Variants in PSMF1 observed in about 807,000 individuals in gnomAD.
PSMF1 encodes the protein proteasome inhibitor subunit 1.
In PSMF1, 30 loss-of-function variants were observed where a neutral mutation model predicts 29.3. That is an observed-to-expected ratio of 1.02 (90% CI 0.77 to 1.39). The LOEUF (loss-of-function observed/expected upper bound fraction) is 1.39. Among genes scored for constraint, PSMF1 ranks in the 40% most tolerant of loss-of-function variants. PSMF1 has a pLI of 0.00. For synonymous variants in PSMF1, 134 were observed against 139.7 expected (o/e 0.96, Z 0.29); for missense variants, 344 against 357.5 (o/e 0.96, Z 0.31).
intron 4 of PSMF1, chr20:1,160,821 G>C: frequency 2.2e-6 from 1 of 456,244 alleles, no homozygotes; most frequent in Admixed American, 2.4e-5. Flanking sequence ...CACCAGCTGG[G>C]AAGGCATGGA....
At chr20:1,126,876 C>T (rs931944681) in intron 2 of PSMF1, among the ~76,000 whole-genome samples, 2 of 152,092 alleles carry the variant, frequency 1.3e-5, no homozygotes, top group Admixed American at 1.3e-4. Context: ...AAGCCTCTGT[C>T]TCAAAACAAA....
intron 4 of PSMF1, chr20:1,161,682 C>T: frequency 1.5e-6 from 1 of 653,390 alleles, no homozygotes; most frequent in Non-Finnish European, 2.9e-6. Context: ...TCCATGTCCA[C>T]CACAAATGCT....
chr20:1,157,013 G>A (rs549107538), intron 4 of PSMF1, among the ~76,000 whole-genome samples: 22 of 152,238 alleles, frequency 1.4e-4, no homozygotes, highest in African/African-American at 1.4e-4. Flanking sequence ...ATAGGCTGTC[G>A]GCAAGCTAAG....
At chr20:1,150,491 A>G (rs1020840578) in intron 4 of PSMF1, among the ~76,000 whole-genome samples, 3 of 152,122 alleles carry the variant, frequency 2.0e-5, no homozygotes, top group Non-Finnish European at 4.4e-5. Flanking sequence ...TTTTGACCTC[A>G]TGGGACAGGA....
At chr20:1,121,196 G>A (rs1237805024) in intron 1 of PSMF1, among the ~76,000 whole-genome samples, 1 of 151,864 alleles carries the variant, frequency 6.6e-6, no homozygotes, top group Admixed American at 6.6e-5. Flanking sequence ...TCTGTTCATG[G>A]TGCTATTCGT....
chr20:1,133,534 GAT>G (rs1238392935), intron 3 of PSMF1, among the ~76,000 whole-genome samples: 1 of 86,840 alleles, frequency 1.2e-5, no homozygotes, highest in Non-Finnish European at 2.3e-5. Context: ...AAGTTCATAG[GAT>G]ATACTAGTCT....
At chr20:1,141,518 G>A (rs2086379998) in intron 4 of PSMF1, among the ~76,000 whole-genome samples, 1 of 151,946 alleles carries the variant, frequency 6.6e-6, no homozygotes, top group African/African-American at 2.4e-5. Context: ...CTGAAGAGTG[G>A]TTTGTTAGTA....
intron 3 of PSMF1, among the ~76,000 whole-genome samples, chr20:1,130,303 T>G (rs1369397094): frequency 6.6e-6 from 1 of 152,188 alleles, no homozygotes; most frequent in Non-Finnish European, 1.5e-5. Flanking sequence ...CACTTAAAAA[T>G]GGTTAAGATG....
chr20:1,157,184 T>C (rs921480452), intron 4 of PSMF1, among the ~76,000 whole-genome samples: 2 of 152,164 alleles, frequency 1.3e-5, no homozygotes, highest in South Asian at 2.1e-4. Context: ...TGGCAGCTAA[T>C]TAGATTGTGC....
chr20:1,140,152 A>G lies in PSMF1; in HGVS notation c.551+4846A>G, dbSNP rs7264031. 3.2e-3 allele frequency among the ~76,000 whole-genome samples: 483 copies of G among 152,330 alleles called. 2 individuals carry two copies. The highest frequency in any genetic ancestry group is 0.011 in the African/African-American group (457 of 41,572). ...CAAGGGAACCAGAATGGCTAAAACA[A>G]TCTCAAAGAAAAACAAAGTTGAAAG... On this transcript the variant is annotated intron_variant, in intron 4 of 6. Coordinates refer to ENST00000335877, the MANE Select transcript of PSMF1 (RefSeq NM_006814.5).
chr20:1,133,571 T>TATATATATATATATATA (rs1568469077), intron 3 of PSMF1, among the ~76,000 whole-genome samples: 6 of 44,104 alleles, frequency 1.4e-4, no homozygotes, highest in African/African-American at 3.3e-4. Context: ...ATATATATAT[T>TATATATATATATATATA]TTTTTTTTTT....
At chr20:1,149,015 C>T (rs964689437) in intron 4 of PSMF1, among the ~76,000 whole-genome samples, 2 of 152,042 alleles carry the variant, frequency 1.3e-5, no homozygotes, top group Non-Finnish European at 2.9e-5. Context: ...CTCTTCAAAA[C>T]AAAAAATTTA....
chr20:1,153,975 G>T (rs959671068), intron 4 of PSMF1, among the ~76,000 whole-genome samples: 1 of 152,140 alleles, frequency 6.6e-6, no homozygotes, highest in African/African-American at 2.4e-5. Flanking sequence ...TTGTAGTTAC[G>T]CATGCATACC....
intron 4 of PSMF1, among the ~76,000 whole-genome samples, chr20:1,147,963 G>A (rs1380153747): frequency 6.6e-6 from 1 of 152,168 alleles, no homozygotes; most frequent in Non-Finnish European, 1.5e-5. Flanking sequence ...CTTGGCTGGC[G>A]CTCGGAGCAG....
intron 4 of PSMF1, among the ~76,000 whole-genome samples, chr20:1,156,560 G>A (rs6134051): frequency 0.31 from 46,844 of 152,036 alleles, 8,404 homozygotes; most frequent in East Asian, 0.66. Context: ...GAATGGTTAC[G>A]AATTTCTCAT....
chr20:1,134,738 G>A (rs933124459), intron 3 of PSMF1: 6 of 319,330 alleles, frequency 1.9e-5, no homozygotes, highest in Admixed American at 4.5e-5. Flanking sequence ...TCCTCCCCAT[G>A]GAGCCTTTGC....
At chr20:1,116,237 A>G (rs888887084), upstream of PSMF1, among the ~76,000 whole-genome samples, 1 of 152,112 alleles carries the variant, frequency 6.6e-6, no homozygotes, top group African/African-American at 2.4e-5. Flanking sequence ...CCATAATTGG[A>G]TAAGGGCATT....
chr20:1,159,913 G>C (rs2086645613), intron 4 of PSMF1, among the ~76,000 whole-genome samples: 1 of 152,110 alleles, frequency 6.6e-6, no homozygotes, highest in African/African-American at 2.4e-5. Flanking sequence ...CTTCTTACCT[G>C]TAAGCTTAGA....
chr20:1,165,029 A>G lies in PSMF1; in HGVS notation c.765A>G (p.Gly255=), dbSNP rs1356164946. 1 of 1,612,922 alleles carries G rather than the reference A, an allele frequency of 6.2e-7. No individual in the cohort carries two copies. The highest frequency in any genetic ancestry group is 2.2e-5 in the East Asian group (1 of 44,856). The stretch of plus-strand genomic sequence containing the variant: ...TCATCAGCCCCTCTTTCCATTCCAG[A>G]CCTAACCCAGACCATCTCCCCCCGC... ...PFGPIGTSPP[G]PNPDHLPPPG... Residue 255 remains glycine (G), a splice_region_variant and synonymous_variant, in exon 7 of 7, where the codon GGA becomes GGG. Coordinates refer to ENST00000335877, the MANE Select transcript of PSMF1 (RefSeq NM_006814.5).
Sources: allele counts gnomAD v4.1 joint callset (sites outside exome capture counted in the v4.1 genomes callset), GRCh38; gene constraint gnomAD v4.1.1; transcripts MANE v1.5; gene names NCBI Gene and HGNC (gene_info 2026-07-23, HGNC 2026-07-21).